Variants in TTC23L observed in about 807,000 individuals in gnomAD.
The protein encoded by TTC23L is tetratricopeptide repeat protein 23-like.
Under a neutral mutation model 48.1 loss-of-function variants are expected in TTC23L, and 42 were observed. The observed-to-expected ratio is 0.87, with a 90% CI of 0.68 to 1.13. The LOEUF (loss-of-function observed/expected upper bound fraction) is 1.13. Ranked by LOEUF, TTC23L falls within the 50% of genes most tolerant of loss-of-function variation. The pLI, the probability that TTC23L is intolerant of heterozygous loss-of-function variation, is 0.00. For synonymous variants in TTC23L, 159 were observed against 157.2 expected (o/e 1.01, Z -0.09); for missense variants, 391 against 421.0 (o/e 0.93, Z 0.62).
intron 8 of TTC23L, among the ~76,000 whole-genome samples, chr5:34,871,266 A>G (rs1355310764): frequency 6.6e-6 from 1 of 152,190 alleles, no homozygotes; most frequent in African/African-American, 2.4e-5. Flanking sequence ...AGTTCTATAT[A>G]GTAGCAATGA....
At position 34,855,909 on chromosome 5, in the gene TTC23L, T is replaced by C. The variant is rs568661537; in HGVS notation, c.379+5601T>C. Among the ~76,000 whole-genome samples, 4 of 152,302 alleles carry C rather than the reference T, an allele frequency of 2.6e-5. No homozygotes were observed. In the South Asian group the frequency reaches 6.2e-4, roughly 24 times the overall value. ...GTGGTTGGGGACAAAGGGAACAAGA[T>C]TGGAAGTGAGACCTCTCAGTGTTTA... On this transcript the variant is annotated intron_variant, in intron 4 of 10. Transcript: ENST00000505624.
At chr5:34,874,797 T>C (rs1310948450) in intron 8 of TTC23L, among the ~76,000 whole-genome samples, 2 of 151,380 alleles carry the variant, frequency 1.3e-5, no homozygotes, top group Non-Finnish European at 3.0e-5. Flanking sequence ...GACAAAAATA[T>C]GAACAAAGAA....
chr5:34,874,895 A>G (rs1761721980), intron 8 of TTC23L, among the ~76,000 whole-genome samples: 2 of 152,220 alleles, frequency 1.3e-5, no homozygotes, highest in South Asian at 4.1e-4. Flanking sequence ...GGTCTAAATA[A>G]GCCAATGTAA....
chr5:34,891,536 T>C (rs996787030), intron 9 of TTC23L, among the ~76,000 whole-genome samples: 8 of 152,332 alleles, frequency 5.3e-5, no homozygotes, highest in Non-Finnish European at 1.2e-4. Flanking sequence ...TTCAGAATAT[T>C]TGAAATCAGA....
At chr5:34,905,971 TTGAG>T in the TTC23L span, 1 of 152,172 alleles carries the variant, frequency 6.6e-6, no homozygotes, top group Non-Finnish European at 1.5e-5. Flanking sequence ...TTTTTTGTTT[TTGAG>T]ACGGAGTCTT....
chr5:34,914,019 C>T, the TTC23L span: 1 of 456,624 alleles, frequency 2.2e-6, no homozygotes, highest in South Asian at 1.5e-5. Context: ...AGCCACCATA[C>T]CATGCCCCTG....
intron 9 of TTC23L, among the ~76,000 whole-genome samples, chr5:34,886,177 A>G (rs944734100): frequency 3.3e-5 from 5 of 152,110 alleles, no homozygotes; most frequent in African/African-American, 1.2e-4. Context: ...TGAAGATTAA[A>G]TAGTATTATA....
chr5:34,880,231 T>A, exon 9 of TTC23L: 2 of 1,613,464 alleles, frequency 1.2e-6, no homozygotes, highest in Non-Finnish European at 1.7e-6. Flanking sequence ...TCGAGCAACA[T>A]TGGGCTCAGA....
At chr5:34,914,455 T>G in the TTC23L span, 1 of 523,668 alleles carries the variant, frequency 1.9e-6, no homozygotes, top group Non-Finnish European at 3.4e-6. Context: ...TAGTCATTAC[T>G]AACCATTATC....
intron 4 of TTC23L, chr5:34,861,188 A>T (rs532673521): frequency 6.6e-6 from 1 of 152,242 alleles, no homozygotes; most frequent in Non-Finnish European, 1.5e-5. Flanking sequence ...GGGTAGTCTC[A>T]ATCTCCTGAC....
chr5:34,913,393 AT>A, the TTC23L span: 1 of 783,120 alleles, frequency 1.3e-6, no homozygotes. Flanking sequence ...ACCAATGTTT[AT>A]GTTCCAAATA....
intron 8 of TTC23L, among the ~76,000 whole-genome samples, chr5:34,874,798 G>C (rs1447991988): frequency 6.6e-6 from 1 of 151,842 alleles, no homozygotes; most frequent in African/African-American, 2.4e-5. Flanking sequence ...ACAAAAATAT[G>C]AACAAAGAAA....
chr5:34,914,591 GTTA>G, the TTC23L span: 6 of 1,038,374 alleles, frequency 5.8e-6, no homozygotes, highest in African/African-American at 8.1e-5. Flanking sequence ...CTATTGACAA[GTTA>G]TTATGACTAT....
chr5:34,925,644 C>T, the TTC23L span: 1 of 630,496 alleles, frequency 1.6e-6, no homozygotes, highest in Non-Finnish European at 2.5e-6. Flanking sequence ...CAGTGATTAT[C>T]TTTTTCTAAA....
intron 5 of TTC23L, among the ~76,000 whole-genome samples, chr5:34,864,158 C>T (rs890771180): frequency 4.6e-5 from 7 of 152,114 alleles, no homozygotes; most frequent in Admixed American, 2.0e-4. Context: ...TAAAGGAAAT[C>T]GAGTGTAATT....
chr5:34,916,185 G>T, the TTC23L span: 200 of 228,542 alleles, frequency 8.8e-4, no homozygotes, highest in African/African-American at 4.3e-3. Flanking sequence ...TTGTTCAGTT[G>T]TTTTTTTTTT....
At chr5:34,853,725 AG>A (rs1759878558) in intron 4 of TTC23L, among the ~76,000 whole-genome samples, 1 of 152,188 alleles carries the variant, frequency 6.6e-6, no homozygotes, top group Admixed American at 6.5e-5. Context: ...TGGTAGAGGA[AG>A]GTCAAATAAG....
chr5:34,879,984 T>A (rs1762109090), intron 8 of TTC23L, among the ~76,000 whole-genome samples, 197 bp from the exon 9 acceptor site: 1 of 152,020 alleles, frequency 6.6e-6, no homozygotes, highest in African/African-American at 2.4e-5. Context: ...AACAGAGTGA[T>A]ACTCTATCTC....
rs748090491 is a variant in TTC23L, at chr5:34,867,182, G to C, written c.840+113G>C. The stretch of plus-strand genomic sequence containing the variant: ...AAGAACAAGGGCTGGAATTGATTCT[G>C]TTTTAACCCTGACTTTCCTCCAGAT... On this transcript the variant is annotated intron_variant, in intron 7 of 10. Coordinates refer to ENST00000505624, the Ensembl canonical transcript of TTC23L. 7 of 1,156,082 alleles carry C rather than the reference G, an allele frequency of 6.1e-6. No individual in the cohort carries two copies. The South Asian group carries it at 7.9e-5, about 13-fold the overall frequency. The allele number at this position is 1,156,082 out of a possible 1,614,324, so 71.6% of individuals were successfully genotyped here. A position where few individuals can be genotyped will look rare whatever the true frequency, so the allele number is the denominator to read the frequency against.
Sources: allele counts gnomAD v4.1 joint callset (sites outside exome capture counted in the v4.1 genomes callset), GRCh38; gene constraint gnomAD v4.1.1; transcripts MANE v1.5; gene names NCBI Gene and HGNC (gene_info 2026-07-23, HGNC 2026-07-21).